KLHL1: variants seen among roughly 807,000 people sequenced by gnomAD.
KLHL1 encodes kelch like family member 1, also known as kelch-like protein 1.
Under a neutral mutation model 77.7 loss-of-function variants are expected in KLHL1, and 47 were observed. That is an observed-to-expected ratio of 0.60 (90% CI 0.48 to 0.77). The LOEUF (loss-of-function observed/expected upper bound fraction) is 0.77, where lower values mean the gene tolerates loss of function less well. Among genes scored for constraint, KLHL1 ranks in the 30% least tolerant of loss-of-function variants. The pLI is 0.00. For missense variants in KLHL1, 925 were observed against 910.8 expected (o/e 1.02, Z -0.20); for synonymous variants, 360 against 325.2 (o/e 1.11, Z -1.15).
intron 6 of KLHL1, among the ~76,000 whole-genome samples, chr13:69,823,505 A>G (rs1208791142): frequency 6.6e-6 from 1 of 151,972 alleles, no homozygotes; most frequent in Non-Finnish European, 1.5e-5. Context: ...TAATAAATTC[A>G]TATTAGAAAT....
intron 6 of KLHL1, among the ~76,000 whole-genome samples, chr13:69,803,464 C>T (rs147628596): frequency 3.9e-4 from 60 of 152,246 alleles, no homozygotes; most frequent in African/African-American, 1.3e-3. Context: ...TTAATATATG[C>T]AGTGGGTAGA....
chr13:69,901,603 A>G (rs527281594), intron 4 of KLHL1, among the ~76,000 whole-genome samples: 122 of 152,304 alleles, frequency 8.0e-4, no homozygotes, highest in African/African-American at 2.7e-3. Flanking sequence ...ATGTGTTTAC[A>G]ATCTTACTGT....
intron 8 of KLHL1, among the ~76,000 whole-genome samples, chr13:69,722,804 A>T: frequency 6.6e-6 from 1 of 152,066 alleles, no homozygotes; most frequent in East Asian, 1.9e-4. Context: ...ATGATCCAGC[A>T]ATCTCACTAC....
At chr13:70,007,715 C>T (rs1020283645) in intron 1 of KLHL1, among the ~76,000 whole-genome samples, 1 of 151,946 alleles carries the variant, frequency 6.6e-6, no homozygotes, top group Non-Finnish European at 1.5e-5. Flanking sequence ...TACTGTATTA[C>T]TTTACAAATT....
chr13:69,791,159 A>G (rs1390805198), intron 7 of KLHL1, among the ~76,000 whole-genome samples: 1 of 152,068 alleles, frequency 6.6e-6, no homozygotes, highest in Non-Finnish European at 1.5e-5. Context: ...ATATACAAAT[A>G]CAAACTGTAT....
chr13:69,915,980 C>T (rs1192898406), intron 4 of KLHL1, among the ~76,000 whole-genome samples: 2 of 152,268 alleles, frequency 1.3e-5, no homozygotes, highest in Admixed American at 6.5e-5. Context: ...CCAACAGACA[C>T]ATGAAAAAAT....
At chr13:69,710,934 A>C (rs560822221) in intron 9 of KLHL1, among the ~76,000 whole-genome samples, 1 of 152,116 alleles carries the variant, frequency 6.6e-6, no homozygotes, top group Non-Finnish European at 1.5e-5. Flanking sequence ...AGACTCTATT[A>C]AGGTTTATAG....
At chr13:69,786,049 T>C (rs1399265296) in intron 7 of KLHL1, among the ~76,000 whole-genome samples, 1 of 152,106 alleles carries the variant, frequency 6.6e-6, no homozygotes, top group Non-Finnish European at 1.5e-5. Flanking sequence ...CAGGACCAGA[T>C]GGATTCACAG....
intron 2 of KLHL1, 27 bp downstream of exon 2, chr13:69,975,593 G>A (rs760324085): frequency 5.7e-6 from 9 of 1,589,198 alleles, no homozygotes; most frequent in Non-Finnish European, 6.8e-6. Flanking sequence ...GTGAATGCAT[G>A]TTTCCAGTAG....
intron 1 of KLHL1, among the ~76,000 whole-genome samples, chr13:69,998,379 T>C (rs1340458800): frequency 6.6e-6 from 1 of 152,052 alleles, no homozygotes; most frequent in Non-Finnish European, 1.5e-5. Flanking sequence ...AGCACAATTA[T>C]ACTTCAACTT....
rs192805853 is a variant in KLHL1 at position 69,741,537 on chromosome 13, T to A, written c.1640-981A>T. 2.0e-5 allele frequency among the ~76,000 whole-genome samples: 3 copies of A among 152,208 alleles called. No homozygotes were observed. The East Asian group carries it at 5.8e-4, about 29-fold the overall frequency. On this transcript the variant is annotated intron_variant, in intron 7 of 10. Coordinates refer to ENST00000377844, the MANE Select transcript of KLHL1 (RefSeq NM_020866.3). ...AGCAACAGCAATAATCAGAGTACCA[T>A]CAATTTTTGTTTCTGTTGCTGGTTC...
chr13:69,860,034 G>C (rs1714191122), intron 5 of KLHL1, among the ~76,000 whole-genome samples: 1 of 151,998 alleles, frequency 6.6e-6, no homozygotes, highest in South Asian at 2.1e-4. Flanking sequence ...TCAATTGTTA[G>C]GGATTAGAAA....
At chr13:69,940,622 ATATC>A (rs1267690366) in intron 3 of KLHL1, among the ~76,000 whole-genome samples, 1 of 152,066 alleles carries the variant, frequency 6.6e-6, no homozygotes, top group African/African-American at 2.4e-5. Flanking sequence ...TGAATATAAA[ATATC>A]TATTTGTGAA....
At chr13:69,719,149 A>G (rs1872911509) in intron 9 of KLHL1, among the ~76,000 whole-genome samples, 1 of 151,882 alleles carries the variant, frequency 6.6e-6, no homozygotes, top group South Asian at 2.1e-4. Context: ...GGGAGGAAGC[A>G]AGGAATAAAA....
intron 5 of KLHL1, among the ~76,000 whole-genome samples, chr13:69,849,217 C>T (rs1249915121): frequency 6.6e-6 from 1 of 151,554 alleles, no homozygotes; most frequent in Non-Finnish European, 1.5e-5. Flanking sequence ...GTCCAACCTT[C>T]TCTCTGTTCC....
chr13:70,067,002 T>C (rs1421376096), intron 1 of KLHL1, among the ~76,000 whole-genome samples: 2 of 152,188 alleles, frequency 1.3e-5, no homozygotes, highest in Non-Finnish European at 2.9e-5. Context: ...TATCAAGCAC[T>C]TTGTAAGCTC....
chr13:70,104,297 G>T (rs565917824), intron 1 of KLHL1, among the ~76,000 whole-genome samples: 53 of 152,270 alleles, frequency 3.5e-4, no homozygotes, highest in South Asian at 1.0e-3. Context: ...TTTAGGGTGG[G>T]ATGCAGGTAG....
chr13:69,899,022 T>A (rs1039551057), intron 4 of KLHL1, among the ~76,000 whole-genome samples: 1 of 131,004 alleles, frequency 7.6e-6, no homozygotes, highest in Non-Finnish European at 1.6e-5. Flanking sequence ...TTACACATTT[T>A]TTTTTTTTTT....
At chr13:70,054,599 T>C (rs1175607737) in intron 1 of KLHL1, among the ~76,000 whole-genome samples, 1 of 151,976 alleles carries the variant, frequency 6.6e-6, no homozygotes, top group Non-Finnish European at 1.5e-5. Flanking sequence ...CCAAGTGACA[T>C]AAATATGTAA....
Sources: allele counts gnomAD v4.1 joint callset (sites outside exome capture counted in the v4.1 genomes callset), GRCh38; gene constraint gnomAD v4.1.1; transcripts MANE v1.5; gene names NCBI Gene and HGNC (gene_info 2026-07-23, HGNC 2026-07-21).